LRP5: variants seen among roughly 807,000 people sequenced by gnomAD.
LRP5 encodes LDL receptor related protein 5.
A neutral mutation model predicts 154.1 loss-of-function variants in LRP5; 62 were observed. The ratio of observed to expected loss-of-function variants is 0.40; its 90% CI spans 0.33 to 0.50. LRP5 has a LOEUF of 0.50. LRP5 is among the 20% of genes least tolerant of loss of function. The probability of loss-of-function intolerance (pLI) is 0.55; values close to 1 mark genes in which losing one functional copy is unlikely to be tolerated. For synonymous variants in LRP5, 966 were observed against 1,011.5 expected, an observed-to-expected ratio of 0.96 and a Z score of 0.85; for missense variants, 1,915 against 2,336.7, an observed-to-expected ratio of 0.82 and a Z score of 3.72.
intron 5 of LRP5, among the ~76,000 whole-genome samples, chr11:68,366,078 C>T (rs966019370): frequency 6.6e-6 from 1 of 152,050 alleles, no homozygotes; most frequent in Non-Finnish European, 1.5e-5. Flanking sequence ...GCGGGCCCTT[C>T]GGGAAATCAC....
Position 68,353,176 on chromosome 11 carries a change from C to G in LRP5, c.489-4474C>G, listed in dbSNP as rs1313880628. Among the ~76,000 whole-genome samples the G allele has an allele frequency of 6.6e-6, 1 of 152,156 alleles. No homozygotes were observed. Among genetic ancestry groups the G allele is most frequent in the Non-Finnish European group, 1.5e-5 (1 of 68,026 alleles). On this transcript the variant is annotated intron_variant, in intron 2 of 22. Transcript: ENST00000294304. This position sits in a 1 kb window ranked among gnomAD's most constrained non-coding sequence, Gnocchi z 4.5. ...TTGAAATGGTTCCTTTACATGCTTG[C>G]CTCTGAATTCTCTCCCAGAAGCCCT...
rs7121668 is a variant in LRP5 at position 68,340,466 on chromosome 11, C to G, written c.92-7381C>G. ...ATTTAATTAATGAAAACCACTACCC[C>G]CTCCCGGCTGTTACCTCTTGAGCGC... is the stretch of plus-strand genomic sequence containing the variant. On this transcript the variant is annotated intron_variant, in intron 1 of 22. Coordinates refer to ENST00000294304, the MANE Select transcript of LRP5 (RefSeq NM_002335.4). Among the ~76,000 whole-genome samples, 11 of 152,000 alleles carry G rather than the reference C, an allele frequency of 7.2e-5. No individual in the cohort carries two copies. In the South Asian group the frequency reaches 1.2e-3, roughly 17 times the overall value.
chr11:68,321,201 A>G (rs2098596581), intron 1 of LRP5, among the ~76,000 whole-genome samples: 1 of 151,666 alleles, frequency 6.6e-6, no homozygotes, highest in Admixed American at 6.6e-5. Flanking sequence ...GTCCACAGAC[A>G]CCTGGGTCCT....
At chr11:68,419,555 T>C (rs1488258324) in intron 13 of LRP5, among the ~76,000 whole-genome samples, 1 of 151,062 alleles carries the variant, frequency 6.6e-6, no homozygotes, top group African/African-American at 2.4e-5. Flanking sequence ...TTTTTTTTTT[T>C]TTGAGATGGA....
intron 5 of LRP5, among the ~76,000 whole-genome samples, chr11:68,373,803 T>C (rs2098635776): frequency 6.6e-6 from 1 of 152,258 alleles, no homozygotes; most frequent in South Asian, 2.1e-4. Context: ...CGGAAGCTGC[T>C]GTTCCTCACT....
At chr11:68,379,415 C>T (rs1262315509) in intron 5 of LRP5, among the ~76,000 whole-genome samples, 1 of 152,136 alleles carries the variant, frequency 6.6e-6, no homozygotes, top group Non-Finnish European at 1.5e-5. Flanking sequence ...TGCTGGGGTC[C>T]GCGGTTCCCG....
chr11:68,410,777 G>T (rs998416341), intron 10 of LRP5, among the ~76,000 whole-genome samples: 3 of 152,172 alleles, frequency 2.0e-5, no homozygotes, highest in Admixed American at 2.0e-4. Flanking sequence ...TTTCTGTGTG[G>T]TGGACACAGT....
At chr11:68,381,692 T>A (rs1209429352) in intron 5 of LRP5, among the ~76,000 whole-genome samples, 13 of 152,226 alleles carry the variant, frequency 8.5e-5, no homozygotes, top group Admixed American at 8.5e-4. Context: ...ACTGTTAGTT[T>A]CCAAACATTT....
At position 68,367,775 on chromosome 11, in the gene LRP5, C is replaced by G. The variant is rs1591235765; in HGVS notation, c.1015+2073C>G. Among the ~76,000 whole-genome samples the G allele has an allele frequency of 4.6e-5, 7 of 152,254 alleles. 1 individual carries two copies. Among genetic ancestry groups the G allele is most frequent in the Admixed American group, 4.6e-4 (7 of 15,282 alleles). On this transcript the variant is annotated intron_variant, in intron 5 of 22. Coordinates refer to ENST00000294304, the MANE Select transcript of LRP5 (RefSeq NM_002335.4). ...GAATATGGCAAAGGTGTAAAACAGG[C>G]AGCTCGGGCCGGGCGCAGTGGCTCA...
chr11:68,389,415 G>A (rs1392870159), intron 6 of LRP5, among the ~76,000 whole-genome samples: 2 of 151,914 alleles, frequency 1.3e-5, no homozygotes, highest in Non-Finnish European at 2.9e-5. Flanking sequence ...TACCAACACC[G>A]ACATTTACCA....
chr11:68,321,096 T>C (rs1453693974), intron 1 of LRP5, among the ~76,000 whole-genome samples: 1 of 134,194 alleles, frequency 7.5e-6, no homozygotes, highest in Non-Finnish European at 1.5e-5. Context: ...TGGTATGAGG[T>C]AGGGGTCTGG....
chr11:68,327,355 G>A (rs1294482091), intron 1 of LRP5, among the ~76,000 whole-genome samples: 7 of 152,228 alleles, frequency 4.6e-5, no homozygotes, highest in African/African-American at 1.7e-4. Context: ...GGGACCCAGT[G>A]AAGGCCAGGA....
In LRP5 at chr11:68,423,419, G is replaced by GCCAGGGGTCTCCGCCAGTGC. The variant is rs1457854769; in HGVS notation, c.3028-49_3028-30dup. On this transcript the variant is annotated intron_variant, in intron 13 of 22. Coordinates refer to ENST00000294304, the MANE Select transcript of LRP5 (RefSeq NM_002335.4). The surrounding 1 kb of genome is among the most constrained non-coding windows in gnomAD (Gnocchi z 4.7). ...CCAGTGCCCGGGGGTCTCCGCCAGT[G>GCCAGGGGTCTCCGCCAGTGC]CCAGGGGTCTCCGCCAGTGCCCAGG... The GCCAGGGGTCTCCGCCAGTGC allele has an allele frequency of 1.1e-5, 16 of 1,449,762 alleles. No homozygotes were observed. In the Admixed American group the frequency reaches 1.8e-4, roughly 17 times the overall value. 89.8% of individuals were successfully genotyped at this position (1,449,762 alleles called of 1,614,324 possible).
chr11:68,404,790 G>A (rs1000677893), intron 8 of LRP5, among the ~76,000 whole-genome samples: 2 of 151,974 alleles, frequency 1.3e-5, no homozygotes, highest in African/African-American at 4.8e-5. Flanking sequence ...CTAACAAGGT[G>A]AAACCCCGTC....
In LRP5 at chr11:68,341,059, C is replaced by CTTTTTTTTTTTTTTTTTTTTTT. The variant is rs576462333; in HGVS notation, c.92-6769_92-6768insTTTTTTTTTTTTTTTTTTTTTT. Reference sequence around the variant, plus strand: ...GTTACCCCTGCCGCTGGAGATTGTTCTTTTTTTTTTTTTTTTTTTGCTATT... The same window carrying CTTTTTTTTTTTTTTTTTTTTTT: ...GTTACCCCTGCCGCTGGAGATTGTTCTTTTTTTTTTTTTTTTTTTTTTTTTTTTTTTTTTTTTTTTTGCTATT... On this transcript the variant is annotated intron_variant, in intron 1 of 22. Transcript: ENST00000294304. Among the ~76,000 whole-genome samples the CTTTTTTTTTTTTTTTTTTTTTT allele has an allele frequency of 4.6e-4, 38 of 83,472 alleles. 8 individuals are homozygous for CTTTTTTTTTTTTTTTTTTTTTT. Among genetic ancestry groups the CTTTTTTTTTTTTTTTTTTTTTT allele is most frequent in the African/African-American group, 1.0e-3 (21 of 21,018 alleles). 54.8% of individuals were successfully genotyped at this position (83,472 alleles called of 152,430 possible). A position where few individuals can be genotyped will look rare whatever the true frequency, so the allele number is the denominator to read the frequency against.
chr11:68,438,332 C>A, intron 19 of LRP5, 114 bp from the exon 20 acceptor site: 1 of 1,036,952 alleles, frequency 9.6e-7, no homozygotes, highest in East Asian at 2.4e-5. Flanking sequence ...ACTTTCTCCC[C>A]ACCCTCCACC....
At chr11:68,374,988 T>C (rs535152033) in intron 5 of LRP5, among the ~76,000 whole-genome samples, 1 of 152,298 alleles carries the variant, frequency 6.6e-6, no homozygotes, top group African/African-American at 2.4e-5. Context: ...CATGTCCCCC[T>C]TGTGACTGCA....
At position 68,409,805 on chromosome 11, in the gene LRP5, G is replaced by C. The variant is rs573199747; in HGVS notation, c.2092-109G>C. On this transcript the variant is annotated intron_variant, in intron 9 of 22. Transcript: ENST00000294304. ...GCAGAGGTTGCAGTGAGCCGAGATC[G>C]CACCATTGCACTCCAGGCTGGGCAA... 4 of 846,278 alleles carry C rather than the reference G, an allele frequency of 4.7e-6. No homozygotes were observed. In the Admixed American group the frequency reaches 7.9e-5, roughly 17 times the overall value. 52.4% of individuals were successfully genotyped at this position (846,278 alleles called of 1,614,324 possible). A position where few individuals can be genotyped will look rare whatever the true frequency, so the allele number is the denominator to read the frequency against.
intron 16 of LRP5, 50 bp downstream of exon 16, chr11:68,426,237 C>G: frequency 6.5e-7 from 1 of 1,531,834 alleles, no homozygotes; most frequent in South Asian, 1.1e-5. Flanking sequence ...TAAACCCGAC[C>G]CCTGGAGGAG....
Sources: gnomAD v4.1 joint callset for allele counts (sites outside exome capture counted in the v4.1 genomes callset) on GRCh38, gnomAD v4.1.1 for gene constraint, Gnocchi (gnomAD v3.1) non-coding constraint, MANE v1.5 for transcripts, NCBI Gene and HGNC (gene_info 2026-07-23, HGNC 2026-07-21) for gene names.